NAA60: variants seen among roughly 807,000 people sequenced by gnomAD.
The protein encoded by NAA60 is N-alpha-acetyltransferase 60, NatF catalytic subunit.
In NAA60, 8 loss-of-function variants were observed where a neutral mutation model predicts 26.1. The observed-to-expected ratio is 0.31, with a 90% CI of 0.18 to 0.55. The LOEUF (loss-of-function observed/expected upper bound fraction) is 0.55. Among genes scored for constraint, NAA60 ranks in the 20% least tolerant of loss-of-function variants. NAA60 has a pLI of 0.93. For missense variants in NAA60, 290 were observed against 311.3 expected, an observed-to-expected ratio of 0.93 and a Z score of 0.51; for synonymous variants, 131 against 122.5, an observed-to-expected ratio of 1.07 and a Z score of -0.46.
At chr16:3,450,722 A>AAAGAAAGT (rs2034748757) in intron 2 of NAA60, among the ~76,000 whole-genome samples, 2 of 147,012 alleles carry the variant, frequency 1.4e-5, no homozygotes, top group Non-Finnish European at 3.0e-5. Context: ...AAAAAAAAAA[A>AAAGAAAGT]AAGAAAGTTG....
intron 2 of NAA60, among the ~76,000 whole-genome samples, chr16:3,455,370 C>CA (rs2034938092): frequency 6.9e-6 from 1 of 145,062 alleles, no homozygotes. Flanking sequence ...CGGGCATAGC[C>CA]AAAAAAGAGT....
intron 2 of NAA60, among the ~76,000 whole-genome samples, chr16:3,463,739 C>T (rs1474299053): frequency 6.6e-6 from 1 of 151,648 alleles, no homozygotes; most frequent in Non-Finnish European, 1.5e-5. Flanking sequence ...GACTTGGTGG[C>T]TTGTGCCTGT....
intron 1 of NAA60, among the ~76,000 whole-genome samples, chr16:3,447,839 G>A (rs3859146): frequency 0.024 from 3,718 of 152,216 alleles, 152 homozygotes; most frequent in African/African-American, 0.081. Flanking sequence ...ATTTAGCCTT[G>A]AGTTGAAACT....
chr16:3,443,934 A>G (rs2034443970), intron 1 of NAA60, 97 bp downstream of exon 1: 6 of 1,435,436 alleles, frequency 4.2e-6, no homozygotes, highest in Non-Finnish European at 5.5e-6. Context: ...CCTGGGCTTG[A>G]GCTGTCCTTT....
At chr16:3,465,709 G>C (rs550959752) in intron 2 of NAA60, among the ~76,000 whole-genome samples, 2 of 152,252 alleles carry the variant, frequency 1.3e-5, no homozygotes, top group South Asian at 4.1e-4. Flanking sequence ...CCCAGGGGAT[G>C]GCACTTTTCA....
chr16:3,457,106 A>G (rs2035032565), intron 2 of NAA60, among the ~76,000 whole-genome samples: 1 of 152,184 alleles, frequency 6.6e-6, no homozygotes, highest in Non-Finnish European at 1.5e-5. Flanking sequence ...CTCGAATCTT[A>G]TAACCAGTTC....
chr16:3,482,694 A>G (rs2036923997), intron 5 of NAA60, 96 bp downstream of exon 5: 4 of 851,550 alleles, frequency 4.7e-6, no homozygotes, highest in Non-Finnish European at 7.4e-6. Flanking sequence ...CCTGGCCCCA[A>G]CAACTCTGGC....
intron 2 of NAA60, chr16:3,456,639 C>G (rs2035009437): frequency 6.6e-6 from 1 of 152,116 alleles, no homozygotes; most frequent in Non-Finnish European, 1.5e-5. Flanking sequence ...GCAGGAGAGG[C>G]TGAGAAATAA....
At chr16:3,469,132 A>G (rs1301951308) in intron 2 of NAA60, among the ~76,000 whole-genome samples, 2 of 152,016 alleles carry the variant, frequency 1.3e-5, no homozygotes, top group Non-Finnish European at 2.9e-5. Flanking sequence ...CTCCCGTGCA[A>G]TACTTCCCTG....
At chr16:3,458,022 A>T in intron 2 of NAA60, 1 of 985,054 alleles carries the variant, frequency 1.0e-6, no homozygotes, top group East Asian at 1.1e-4. Flanking sequence ...AGGGAGCGGG[A>T]GGCGGAAGTG....
chr16:3,475,657 G>A (rs554583777), intron 2 of NAA60, among the ~76,000 whole-genome samples: 1 of 152,276 alleles, frequency 6.6e-6, no homozygotes, highest in East Asian at 1.9e-4. Context: ...TTCCGCCCAG[G>A]AGTGTTCACT....
chr16:3,463,191 A>G (rs906432673), intron 2 of NAA60, among the ~76,000 whole-genome samples: 2 of 152,158 alleles, frequency 1.3e-5, no homozygotes, highest in African/African-American at 4.8e-5. Flanking sequence ...ATTTGAAAAC[A>G]CACTATTAAA....
chr16:3,468,756 T>G (rs544007786), intron 2 of NAA60, among the ~76,000 whole-genome samples: 1 of 152,180 alleles, frequency 6.6e-6, no homozygotes, highest in African/African-American at 2.4e-5. Context: ...GCTCGAGCCT[T>G]TGAAGCTCCA....
chr16:3,461,901 A>T (rs1001706194), intron 2 of NAA60, among the ~76,000 whole-genome samples: 7 of 152,210 alleles, frequency 4.6e-5, no homozygotes, highest in Non-Finnish European at 8.8e-5. Context: ...CGGCCTGGGC[A>T]ACATAGCAAA....
intron 2 of NAA60, among the ~76,000 whole-genome samples, chr16:3,465,442 A>G (rs915202259): frequency 1.3e-5 from 2 of 151,892 alleles, no homozygotes; most frequent in Admixed American, 6.6e-5. Context: ...TGTCATCGCC[A>G]CTTCTGACAC....
At chr16:3,458,275 G>T (rs374588191) in intron 2 of NAA60, 206 of 820,712 alleles carry the variant, frequency 2.5e-4, no homozygotes, top group Non-Finnish European at 2.9e-4. Context: ...GGTCAGGGGG[G>T]CCAGCGCCCA....
At chr16:3,484,241 A>G (rs1159592147) in intron 6 of NAA60, among the ~76,000 whole-genome samples, 1 of 152,144 alleles carries the variant, frequency 6.6e-6, no homozygotes, top group African/African-American at 2.4e-5. Context: ...ATAAGCAGGA[A>G]AGAGAGGGGT....
At chr16:3,455,643 C>T (rs551305614) in intron 2 of NAA60, among the ~76,000 whole-genome samples, 2 of 152,002 alleles carry the variant, frequency 1.3e-5, no homozygotes, top group South Asian at 4.2e-4. Flanking sequence ...GATCCGCCTG[C>T]CTTGGCCTCC....
At chr16:3,466,349 G>T (rs1464171088) in intron 2 of NAA60, among the ~76,000 whole-genome samples, 1 of 152,228 alleles carries the variant, frequency 6.6e-6, no homozygotes, top group Admixed American at 6.5e-5. Context: ...CCCGGCAAAT[G>T]ATTCATTTTT....
Sources: gnomAD v4.1 joint callset for allele counts (sites outside exome capture counted in the v4.1 genomes callset) on GRCh38, gnomAD v4.1.1 for gene constraint, MANE v1.5 for transcripts, NCBI Gene and HGNC (gene_info 2026-07-23, HGNC 2026-07-21) for gene names.